COX4I2: variants seen among roughly 807,000 people sequenced by gnomAD.
COX4I2 encodes cytochrome c oxidase subunit 4I2, also known as cytochrome c oxidase subunit 4 isoform 2, mitochondrial.
Under a neutral mutation model 20.8 loss-of-function variants are expected in COX4I2, and 15 were observed. That is an observed-to-expected ratio of 0.72 (90% CI 0.48 to 1.11). The LOEUF (loss-of-function observed/expected upper bound fraction) is 1.11, where lower values mean the gene tolerates loss of function less well. COX4I2 is among the 50% of genes most tolerant of loss of function. The probability of loss-of-function intolerance (pLI) is 0.00; values close to 1 mark genes in which losing one functional copy is unlikely to be tolerated. For missense variants in COX4I2, 224 were observed against 223.0 expected, an observed-to-expected ratio of 1.00 and a Z score of -0.03; for synonymous variants, 80 against 78.1, an observed-to-expected ratio of 1.02 and a Z score of -0.13.
chr20:31,639,188 C>T, intron 2 of COX4I2, 89 bp downstream of exon 2: 2 of 1,545,220 alleles, frequency 1.3e-6, no homozygotes, highest in Admixed American at 2.0e-5. Flanking sequence ...CCTTCCATGC[C>T]ACCCTGGGCC....
chr20:31,644,631 A>C, intron 4 of COX4I2, 137 bp from the exon 5 acceptor site: 1 of 961,478 alleles, frequency 1.0e-6, no homozygotes, highest in East Asian at 2.6e-5. Context: ...TGAGCTCCTC[A>C]GTGCAAGATA....
At position 31,644,883 on chromosome 20, in the gene COX4I2, G is replaced by A; in HGVS notation, c.495G>A (p.Glu165=). Residue 165 remains glutamate, a synonymous_variant, in exon 5 of 5, where the codon GAG becomes GAA. Coordinates refer to ENST00000376075, the MANE Select transcript of COX4I2 (RefSeq NM_032609.3). ...VQGLASRWDY[E]KKQWKK is the part of the protein sequence containing the mutation. ...GCCTGGCCTCCCGCTGGGACTATGA[G>A]AAGAAGCAGTGGAAGAAGTGACTTG... The A allele has an allele frequency of 3.1e-6, 5 of 1,614,020 alleles. No individual in the cohort carries two copies. The highest frequency in any genetic ancestry group is 4.2e-6 in the Non-Finnish European group (5 of 1,179,970).
At chr20:31,643,557 G>T (rs371480477) in intron 4 of COX4I2, 22 bp downstream of exon 4, 27 of 1,613,816 alleles carry the variant, frequency 1.7e-5, no homozygotes, top group Non-Finnish European at 2.1e-5. Context: ...CACCTCATCT[G>T]GCTGCAGTCC....
At chr20:31,644,602 G>A (rs984955173) in intron 4 of COX4I2, among the ~76,000 whole-genome samples, 166 bp from the exon 5 acceptor site, 13 of 152,084 alleles carry the variant, frequency 8.5e-5, no homozygotes, top group African/African-American at 9.7e-5. Context: ...TCTGGGGTGC[G>A]GGGCTAGACA....
rs577724983 is a variant in COX4I2 at position 31,642,951 on chromosome 20, C to T, written c.248-453C>T. Among the ~76,000 whole-genome samples the T allele has an allele frequency of 4.6e-5, 7 of 152,272 alleles. No individual in the cohort carries two copies. In the East Asian group the frequency reaches 1.2e-3, roughly 25 times the overall value. ...GATTCTAACAAGGTCCTGTGTGAAC[C>T]GGCTCTGCCTCTCATTTGAGAGAGC... On this transcript the variant is annotated intron_variant, in intron 3 of 4. Coordinates refer to ENST00000376075, the MANE Select transcript of COX4I2 (RefSeq NM_032609.3).
intron 1 of COX4I2, 114 bp from the exon 2 acceptor site, chr20:31,638,904 G>C: frequency 8.9e-7 from 1 of 1,120,278 alleles, no homozygotes; most frequent in Non-Finnish European, 1.3e-6. Context: ...TTGAAACACT[G>C]GGACACCCCT....
At chr20:31,639,139 A>T in intron 2 of COX4I2, 40 bp downstream of exon 2, 1 of 1,577,042 alleles carries the variant, frequency 6.3e-7, no homozygotes, top group Non-Finnish European at 8.6e-7. Flanking sequence ...AACTCCAGAG[A>T]TAGGGGCAGG....
In COX4I2 at chr20:31,644,929, AGG is replaced by A; in HGVS notation, c.*26_*27del. 6.2e-7 allele frequency: 1 copy of A among 1,611,392 alleles called. No individual in the cohort carries two copies. The highest frequency in any genetic ancestry group is 1.3e-5 in the African/African-American group (1 of 74,988). On this transcript the variant is annotated 3_prime_UTR_variant, in exon 5 of 5. Transcript: ENST00000376075. ...ACTTGCATCCCCAGCTGTCTCCCTG[AGG>A]CTCCGCCCTGGCTGGGAGCCTCTGG...
At chr20:31,638,977 T>G (rs781667318) in intron 1 of COX4I2, 41 bp from the exon 2 acceptor site, 2 of 1,569,588 alleles carry the variant, frequency 1.3e-6, no homozygotes, top group Admixed American at 1.8e-5. Flanking sequence ...GGGCAGAGGG[T>G]GATGTGGGGG....
intron 1 of COX4I2, 88 bp downstream of exon 1, chr20:31,638,050 C>G (rs926578971): frequency 1.2e-4 from 19 of 152,312 alleles, no homozygotes; most frequent in African/African-American, 4.6e-4. Context: ...CTGGGTCACG[C>G]CCCAGTGGTC....
intron 3 of COX4I2, among the ~76,000 whole-genome samples, chr20:31,642,689 G>A (rs1460030235): frequency 2.6e-5 from 4 of 151,812 alleles, no homozygotes; most frequent in Non-Finnish European, 5.9e-5. Context: ...CCACCACCTC[G>A]GCCTCCCAAA....
At chr20:31,639,413 C>A in intron 2 of COX4I2, 1 of 420,692 alleles carries the variant, frequency 2.4e-6, no homozygotes, top group Non-Finnish European at 3.2e-6. Context: ...CTTTCCAGAC[C>A]CTAGTTTCAA....
intron 2 of COX4I2, chr20:31,639,379 C>A: frequency 2.8e-6 from 2 of 718,864 alleles, no homozygotes; most frequent in Non-Finnish European, 3.4e-6. Flanking sequence ...AGGATGCTGA[C>A]AGAACCTTGG....
At chr20:31,643,917 T>C (rs2060482053) in intron 4 of COX4I2, among the ~76,000 whole-genome samples, 1 of 152,168 alleles carries the variant, frequency 6.6e-6, no homozygotes, top group Admixed American at 6.5e-5. Flanking sequence ...TTCAAATGAT[T>C]CCCCTGCCTC....
Position 31,641,880 on chromosome 20 carries a change from A to AT in COX4I2, c.248-1516dup, listed in dbSNP as rs1473043938. Among the ~76,000 whole-genome samples the AT allele has an allele frequency of 6.9e-5, 10 of 143,970 alleles. No individual in the cohort carries two copies. In the South Asian group the frequency reaches 2.0e-3, roughly 28 times the overall value. The allele number at this position is 143,970 out of a possible 152,430, so 94.4% of individuals were successfully genotyped here. A position where few individuals can be genotyped will look rare whatever the true frequency, so the allele number is the denominator to read the frequency against. On this transcript the variant is annotated intron_variant, in intron 3 of 4. Coordinates refer to ENST00000376075, the MANE Select transcript of COX4I2 (RefSeq NM_032609.3). Reference sequence around the variant, plus strand: ...CACACCTGGCTATTTTTTTTTTTGTATTTTTTTTGTAGAGACAGGGTTTCA... The same window carrying AT: ...CACACCTGGCTATTTTTTTTTTTGTATTTTTTTTTGTAGAGACAGGGTTTCA...
chr20:31,639,165 C>G, intron 2 of COX4I2, 66 bp downstream of exon 2: 1 of 1,553,762 alleles, frequency 6.4e-7, no homozygotes. Flanking sequence ...CCTCTGCAGG[C>G]TGCCCCCTTT....
chr20:31,639,561 T>C (rs2122322406), intron 2 of COX4I2, among the ~76,000 whole-genome samples: 1 of 149,012 alleles, frequency 6.7e-6, no homozygotes, highest in Admixed American at 6.7e-5. Flanking sequence ...AAACCTCCTT[T>C]TTTTTTTTTT....
chr20:31,639,558 CTT>C (rs770616004), intron 2 of COX4I2, among the ~76,000 whole-genome samples: 31 of 132,982 alleles, frequency 2.3e-4, no homozygotes, highest in Admixed American at 2.3e-4. Context: ...TATAAACCTC[CTT>C]TTTTTTTTTT....
intron 3 of COX4I2, 75 bp downstream of exon 3, chr20:31,640,172 C>A: frequency 6.7e-7 from 1 of 1,484,342 alleles, no homozygotes; most frequent in South Asian, 1.2e-5. Flanking sequence ...TGTCAGGGAT[C>A]AGAGGGCAGA....
Sources: allele counts gnomAD v4.1 joint callset (sites outside exome capture counted in the v4.1 genomes callset), GRCh38; gene constraint gnomAD v4.1.1; transcripts MANE v1.5; gene names NCBI Gene and HGNC (gene_info 2026-07-23, HGNC 2026-07-21).